Variants in HTR2C observed in about 807,000 individuals in gnomAD.
The protein encoded by HTR2C is 5-hydroxytryptamine receptor 2C.
HTR2C carries 5 observed loss-of-function variants against 21.0 expected under a neutral mutation model. The ratio of observed to expected loss-of-function variants is 0.24; its 90% confidence interval spans 0.12 to 0.50. HTR2C has a LOEUF of 0.50. HTR2C is among the 20% of genes least tolerant of loss of function. The pLI is 0.98. For missense variants in HTR2C, 271 were observed against 371.2 expected, an observed-to-expected ratio of 0.73 and a Z score of 2.22; for synonymous variants, 150 against 145.3, an observed-to-expected ratio of 1.03 and a Z score of -0.23.
intron 1 of HTR2C, among the ~76,000 whole-genome samples, chrX:114,586,205 T>C (rs1927386650): frequency 9.0e-6 from 1 of 111,504 alleles, no homozygotes; most frequent in African/African-American, 3.3e-5. Flanking sequence ...TGCATCTCTT[T>C]TGCAGTACTG....
intron 4 of HTR2C, among the ~76,000 whole-genome samples, chrX:114,829,676 T>C (rs1468081494): frequency 9.0e-6 from 1 of 111,646 alleles, no homozygotes; most frequent in Non-Finnish European, 1.9e-5. Flanking sequence ...AGGGTTCAAC[T>C]TCAATCTTTT....
chrX:114,669,736 CACAATAAACTAGGGGTGTTTTATACTT>C (rs1931301777), intron 2 of HTR2C, among the ~76,000 whole-genome samples: 1 of 112,122 alleles, frequency 8.9e-6, no homozygotes, highest in African/African-American at 3.2e-5. Flanking sequence ...AGTACTTTTA[CACAATAAACTAGGGGTGTTTTATACTT>C]ACAACAGCTA....
rs191889629 is a variant in HTR2C, at chrX:114,624,154, C to T, written c.-80+10273C>T. 1.1e-3 allele frequency among the ~76,000 whole-genome samples: 117 copies of T among 109,925 alleles called. 1 individual carries two copies. The highest frequency in any genetic ancestry group is 3.7e-3 in the African/African-American group (113 of 30,275). On this transcript the variant is annotated intron_variant, in intron 2 of 5. Transcript: ENST00000276198. Reference sequence around the variant, plus strand: ...CATGTGATCCGCCCGCCTCAGCCTCCCAAAGTGCTAGGATTATGGGCGTGA... The same window carrying T: ...CATGTGATCCGCCCGCCTCAGCCTCTCAAAGTGCTAGGATTATGGGCGTGA...
intron 2 of HTR2C, among the ~76,000 whole-genome samples, chrX:114,620,667 A>C (rs1433312270): frequency 9.0e-6 from 1 of 111,613 alleles, no homozygotes; most frequent in Non-Finnish European, 1.9e-5. Context: ...GTAATATTAC[A>C]TTATACTTTA....
intron 2 of HTR2C, among the ~76,000 whole-genome samples, chrX:114,701,265 G>C (rs1932481815): frequency 8.9e-6 from 1 of 111,980 alleles, no homozygotes; most frequent in Admixed American, 9.5e-5. Context: ...TCCTCAAGTG[G>C]GTCCCTGACA....
chrX:114,620,061 T>A (rs1929098488), intron 2 of HTR2C, among the ~76,000 whole-genome samples: 1 of 111,903 alleles, frequency 8.9e-6, no homozygotes, highest in Non-Finnish European at 1.9e-5. Flanking sequence ...GAGGATATTT[T>A]TCTACCTTCC....
chrX:114,840,080 G>A (rs1569498804), intron 4 of HTR2C, among the ~76,000 whole-genome samples: 1 of 110,867 alleles, frequency 9.0e-6, no homozygotes, highest in Middle Eastern at 4.6e-3. Flanking sequence ...CATTCACAAT[G>A]TTTAGTTTAC....
Position 114,722,260 on chromosome X carries a change from A to G in HTR2C, c.-79-4598A>G, listed in dbSNP as rs1933250200. On this transcript the variant is annotated intron_variant, in intron 2 of 5. Coordinates refer to ENST00000276198, the MANE Select transcript of HTR2C (RefSeq NM_000868.4). ...TCCCTTGTAAGTTGGATTCCTAGGT[A>G]TTTTATTCTCTTTGAAGCAGTTGTG... Among the ~76,000 whole-genome samples the G allele has an allele frequency of 3.6e-5, 4 of 110,481 alleles. No homozygotes were observed. The South Asian group carries it at 1.2e-3, about 32-fold the overall frequency.
intron 1 of HTR2C, among the ~76,000 whole-genome samples, chrX:114,607,299 T>C (rs1206038731): frequency 8.9e-6 from 1 of 111,807 alleles, no homozygotes; most frequent in East Asian, 2.8e-4. Flanking sequence ...TCAAACACAA[T>C]GTTTGACCAT....
intron 2 of HTR2C, among the ~76,000 whole-genome samples, chrX:114,724,746 A>G (rs1933380474): frequency 9.4e-6 from 1 of 106,467 alleles, no homozygotes. Flanking sequence ...GCTTGCCTGT[A>G]AAGTATTTTA....
At chrX:114,876,414 T>C (rs1569501766) in intron 5 of HTR2C, among the ~76,000 whole-genome samples, 5 of 51,337 alleles carry the variant, frequency 9.7e-5, no homozygotes, top group Non-Finnish European at 1.8e-4. Context: ...CTTTCTTTCT[T>C]TTTCTTTCTT....
rs2071155566 is a variant in HTR2C, at chrX:114,878,400, C to A, written c.551-28189C>A. On this transcript the variant is annotated intron_variant, in intron 5 of 5. Coordinates refer to ENST00000276198, the MANE Select transcript of HTR2C (RefSeq NM_000868.4). ...AGTACTATAAAGTATAAATTTTGTTCAAAATTTACAAAGTTTTTCATTAAT... is the reference window on the plus strand; with the variant it reads ...AGTACTATAAAGTATAAATTTTGTTAAAAATTTACAAAGTTTTTCATTAAT... 2.7e-5 allele frequency among the ~76,000 whole-genome samples: 3 copies of A among 110,530 alleles called. No homozygotes were observed. The South Asian group carries it at 1.1e-3, about 42-fold the overall frequency.
chrX:114,685,252 A>G (rs782375346), intron 2 of HTR2C, among the ~76,000 whole-genome samples: 1 of 112,191 alleles, frequency 8.9e-6, no homozygotes, highest in East Asian at 2.8e-4. Flanking sequence ...TTTTATTAAT[A>G]GTTTCTAAAT....
At chrX:114,585,119 A>C (rs1351596487) in intron 1 of HTR2C, among the ~76,000 whole-genome samples, 2 of 110,191 alleles carry the variant, frequency 1.8e-5, no homozygotes, top group African/African-American at 6.6e-5. Flanking sequence ...ATCCGACAGC[A>C]GGCAAGTGGG....
At chrX:114,827,880 T>C (rs909813440) in intron 4 of HTR2C, among the ~76,000 whole-genome samples, 2 of 111,550 alleles carry the variant, frequency 1.8e-5, no homozygotes, top group Non-Finnish European at 3.8e-5. Flanking sequence ...AATGTTTTTG[T>C]CTTTATCTTT....
At chrX:114,801,658 G>C (rs2070347472) in intron 4 of HTR2C, among the ~76,000 whole-genome samples, 1 of 111,003 alleles carries the variant, frequency 9.0e-6, no homozygotes, top group African/African-American at 3.3e-5. Flanking sequence ...AATTGATTCA[G>C]TCTTTAAAAA....
chrX:114,633,690 A>C (rs1454877066), intron 2 of HTR2C, among the ~76,000 whole-genome samples: 1 of 111,126 alleles, frequency 9.0e-6, no homozygotes, highest in Non-Finnish European at 1.9e-5. Context: ...TGAAAATTGT[A>C]TCAAAATTTA....
chrX:114,672,307 G>A (rs1380656095), intron 2 of HTR2C, among the ~76,000 whole-genome samples: 1 of 110,793 alleles, frequency 9.0e-6, no homozygotes, highest in Non-Finnish European at 1.9e-5. Flanking sequence ...TAGAAGAGTC[G>A]CTTGAGCCCA....
chrX:114,694,587 A>G, intron 2 of HTR2C, among the ~76,000 whole-genome samples: 1 of 109,008 alleles, frequency 9.2e-6, no homozygotes, highest in South Asian at 3.9e-4. Context: ...CTCCAGGTTC[A>G]AACGATTCTC....
Sources: allele counts gnomAD v4.1 joint callset (sites outside exome capture counted in the v4.1 genomes callset), GRCh38; gene constraint gnomAD v4.1.1; transcripts MANE v1.5; gene names NCBI Gene and HGNC (gene_info 2026-07-23, HGNC 2026-07-21).